Variants in PTGR2 observed in about 807,000 individuals in gnomAD.
PTGR2 encodes prostaglandin reductase 2.
In PTGR2, 32 loss-of-function variants were observed where a neutral mutation model predicts 43.4. That is an observed-to-expected ratio of 0.74 (90% CI 0.56 to 0.99). The LOEUF (loss-of-function observed/expected upper bound fraction) is 0.99. Ranked by LOEUF, PTGR2 falls within the 50% of genes least tolerant of loss-of-function variation. The pLI, the probability that PTGR2 is intolerant of heterozygous loss-of-function variation, is 0.00. For synonymous variants in PTGR2, 106 were observed against 139.2 expected, an observed-to-expected ratio of 0.76 and a Z score of 1.68; for missense variants, 373 against 420.0, an observed-to-expected ratio of 0.89 and a Z score of 0.98.
At chr14:73,857,607 C>A (rs2054378965) in intron 1 of PTGR2, among the ~76,000 whole-genome samples, 1 of 125,332 alleles carries the variant, frequency 8.0e-6, no homozygotes, top group Non-Finnish European at 1.7e-5. Flanking sequence ...GAGTAAGATT[C>A]TGTCCCCCAC....
intron 4 of PTGR2, 138 bp from the exon 5 acceptor site, chr14:73,876,860 A>C: frequency 1.7e-6 from 1 of 592,494 alleles, no homozygotes; most frequent in Non-Finnish European, 2.9e-6. Flanking sequence ...CTATCTCCAA[A>C]TAAAGTCACA....
chr14:73,874,003 T>C lies in PTGR2; in HGVS notation c.157-20T>C. On this transcript the variant is annotated intron_variant, in intron 3 of 9. Transcript: ENST00000555661. Reference sequence around the variant, plus strand: ...TTTGACATTATTGGATAAAATTATCTTAATGTTTTCTTTTTTCAGCGTTGT... The same window carrying C: ...TTTGACATTATTGGATAAAATTATCCTAATGTTTTCTTTTTTCAGCGTTGT... 2 of 1,551,776 alleles carry C rather than the reference T, an allele frequency of 1.3e-6. No homozygotes were observed. The highest frequency in any genetic ancestry group is 1.7e-6 in the Non-Finnish European group (2 of 1,149,678).
intron 1 of PTGR2, chr14:73,858,186 C>T (rs566734484): frequency 1.3e-5 from 2 of 152,226 alleles, no homozygotes; most frequent in Admixed American, 6.5e-5. Flanking sequence ...TTCTTTTAAT[C>T]GAGCCATAGG....
At chr14:73,870,174 T>C (rs1013195012) in intron 3 of PTGR2, among the ~76,000 whole-genome samples, 2 of 146,916 alleles carry the variant, frequency 1.4e-5, no homozygotes, top group East Asian at 2.0e-4. Flanking sequence ...CTCTAAAAAA[T>C]AGAAAAATCT....
At chr14:73,874,331 C>G (rs183193805) in intron 4 of PTGR2, 117 bp downstream of exon 4, 9 of 803,070 alleles carry the variant, frequency 1.1e-5, no homozygotes, top group Non-Finnish European at 1.7e-5. Context: ...TTTCTTTTAG[C>G]TAGCTGCCAA....
intron 3 of PTGR2, among the ~76,000 whole-genome samples, chr14:73,869,629 A>G (rs1199199241): frequency 1.3e-5 from 2 of 152,050 alleles, no homozygotes; most frequent in South Asian, 2.1e-4. Flanking sequence ...CTGTATCTCC[A>G]GTGACTAGCA....
At chr14:73,872,042 T>C (rs2054747788) in intron 3 of PTGR2, among the ~76,000 whole-genome samples, 1 of 152,200 alleles carries the variant, frequency 6.6e-6, no homozygotes, top group Admixed American at 6.5e-5. Context: ...CTTAATCAGG[T>C]GTCCTTCCAT....
chr14:73,874,300 G>A, intron 4 of PTGR2, 86 bp downstream of exon 4: 1 of 1,110,544 alleles, frequency 9.0e-7, no homozygotes, highest in East Asian at 2.4e-5. Flanking sequence ...TTTGTAATCA[G>A]GGAAAAATAA....
Position 73,884,955 on chromosome 14 carries a change from T to C in PTGR2, c.*778T>C, listed in dbSNP as rs573858411. 5.9e-5 allele frequency: 9 copies of C among 152,300 alleles called. No homozygotes were observed. The highest frequency in any genetic ancestry group is 2.2e-4 in the African/African-American group (9 of 41,542). 9.4% of individuals were successfully genotyped at this position (152,300 alleles called of 1,614,324 possible). On this transcript the variant is annotated 3_prime_UTR_variant, in exon 10 of 10. Transcript: ENST00000555661. ...GGCACATACTGTCAAGTTGTAAAGA[T>C]TGAGAGGGCAAACAGATGTAAACAT...
In PTGR2 at chr14:73,880,141, T is replaced by C; in HGVS notation, c.816T>C (p.Ala272=). 6.2e-7 allele frequency: 1 copy of C among 1,614,044 alleles called. No individual in the cohort carries two copies. The highest frequency in any genetic ancestry group is 8.5e-7 in the Non-Finnish European group (1 of 1,179,936). Residue 272 remains alanine (A), a synonymous_variant, in exon 7 of 10, where the codon GCT becomes GCC. Transcript: ENST00000555661. ...DVPYPPPLSP[A]IEAIQKERNI... is the part of the protein sequence containing the mutation. ...CTTATCCTCCCCCGCTATCCCCTGC[T>C]ATAGAGGCAATCCAGAAAGAAAGAA... is the stretch of plus-strand genomic sequence containing the variant.
chr14:73,865,598 C>A (rs531717823), intron 3 of PTGR2, among the ~76,000 whole-genome samples: 4 of 152,246 alleles, frequency 2.6e-5, no homozygotes, highest in South Asian at 4.1e-4. Flanking sequence ...CCAACTCATT[C>A]TTTTTTACAA....
chr14:73,882,740 T>A (rs1222652710), intron 9 of PTGR2, among the ~76,000 whole-genome samples: 1 of 150,162 alleles, frequency 6.7e-6, no homozygotes, highest in Non-Finnish European at 1.5e-5. Context: ...GACCTCGTGA[T>A]CTGCCTGCCT....
rs904507787 is a variant in PTGR2, at chr14:73,885,003, T to C, written c.*826T>C. 4 of 152,118 alleles carry C rather than the reference T, an allele frequency of 2.6e-5. No individual in the cohort carries two copies. Among genetic ancestry groups the C allele is most frequent in the African/African-American group, 9.7e-5 (4 of 41,398 alleles). The allele number at this position is 152,118 out of a possible 1,614,324, so 9.4% of individuals were successfully genotyped here. On this transcript the variant is annotated 3_prime_UTR_variant, in exon 10 of 10. Transcript: ENST00000555661. ...CATCACTTGTAGGTGATTAAAAAGA[T>C]TGACAGCCGGGCCTGATGTCTCAAG...
intron 3 of PTGR2, among the ~76,000 whole-genome samples, chr14:73,864,995 G>T (rs1328652917): frequency 6.6e-6 from 1 of 152,072 alleles, no homozygotes; most frequent in Non-Finnish European, 1.5e-5. Context: ...TATGAGGAAG[G>T]GGTCTGTATT....
chr14:73,880,225 T>C (rs754587625), intron 7 of PTGR2, 49 bp downstream of exon 7: 17 of 1,595,858 alleles, frequency 1.1e-5, no homozygotes, highest in Non-Finnish European at 1.4e-5. Flanking sequence ...GGGTTTTAAA[T>C]ATCATAGATG....
At chr14:73,857,059 C>G (rs536938678) in intron 1 of PTGR2, among the ~76,000 whole-genome samples, 1 of 150,356 alleles carries the variant, frequency 6.7e-6, no homozygotes, top group East Asian at 2.0e-4. Flanking sequence ...ATCACTTGAG[C>G]CCAGGAATTC....
intron 3 of PTGR2, among the ~76,000 whole-genome samples, chr14:73,863,996 G>C (rs1354340927): frequency 1.3e-5 from 2 of 152,076 alleles, no homozygotes; most frequent in Non-Finnish European, 2.9e-5. Context: ...GAATTCCAGG[G>C]ATCCTCCTGC....
At chr14:73,864,806 G>A (rs1382601498) in intron 3 of PTGR2, among the ~76,000 whole-genome samples, 2 of 152,006 alleles carry the variant, frequency 1.3e-5, no homozygotes, top group Non-Finnish European at 1.5e-5. Context: ...GATAAAGTCC[G>A]ATTTATCTCT....
At chr14:73,868,939 C>T (rs1469104238) in intron 3 of PTGR2, among the ~76,000 whole-genome samples, 3 of 152,102 alleles carry the variant, frequency 2.0e-5, no homozygotes, top group African/African-American at 4.8e-5. Context: ...CAGTTGTCTT[C>T]GTATCTATCA....
Sources: allele counts gnomAD v4.1 joint callset (sites outside exome capture counted in the v4.1 genomes callset), GRCh38; gene constraint gnomAD v4.1.1; transcripts MANE v1.5; gene names NCBI Gene and HGNC (gene_info 2026-07-23, HGNC 2026-07-21).